The following RAB4A variants were observed in gnomAD, a reference collection of about 807,000 sequenced individuals.
RAB4A encodes the protein RAB4A, member RAS oncogene family, also known as ras-related protein Rab-4A.
Under a neutral mutation model 34.5 loss-of-function variants are expected in RAB4A, and 20 were observed. That is an observed-to-expected ratio of 0.58 (90% confidence interval 0.41 to 0.84). The LOEUF (loss-of-function observed/expected upper bound fraction) is 0.84. RAB4A is among the 40% of genes least tolerant of loss of function. The probability of loss-of-function intolerance (pLI) is 0.00; values close to 1 mark genes in which losing one functional copy is unlikely to be tolerated. For synonymous variants in RAB4A, 102 were observed against 100.0 expected (o/e 1.02, Z -0.12); for missense variants, 228 against 274.5 (o/e 0.83, Z 1.20).
Position 229,271,315 on chromosome 1 carries a change from G to A in RAB4A, c.-25G>A. ...CGCGGGCGAGTGCAGCCGGTGACCCGGCGAGAGGCGGCGCCGCTCCCAAGA... is the reference window on the plus strand; with the variant it reads ...CGCGGGCGAGTGCAGCCGGTGACCCAGCGAGAGGCGGCGCCGCTCCCAAGA... On this transcript the variant is annotated 5_prime_UTR_variant, in exon 1 of 8. Coordinates refer to ENST00000366690, the MANE Select transcript of RAB4A (RefSeq NM_004578.4). The A allele has an allele frequency of 1.5e-6, 2 of 1,326,308 alleles. No individual in the cohort carries two copies. Among genetic ancestry groups the A allele is most frequent in the Non-Finnish European group, 1.9e-6 (2 of 1,036,164 alleles). The allele number at this position is 1,326,308 out of a possible 1,614,324, so 82.2% of individuals were successfully genotyped here. A position where few individuals can be genotyped will look rare whatever the true frequency, so the allele number is the denominator to read the frequency against.
intron 1 of RAB4A, among the ~76,000 whole-genome samples, chr1:229,279,356 T>C (rs772747449): frequency 2.6e-5 from 4 of 152,258 alleles, no homozygotes; most frequent in African/African-American, 4.8e-5. Context: ...TCATTGACTA[T>C]TGACTGCTGC....
intron 6 of RAB4A, among the ~76,000 whole-genome samples, chr1:229,300,165 A>C: frequency 6.6e-6 from 1 of 152,308 alleles, no homozygotes; most frequent in South Asian, 2.1e-4. Flanking sequence ...ATTGGGCTGA[A>C]GTATGGTCGA....
intron 1 of RAB4A, among the ~76,000 whole-genome samples, chr1:229,275,868 C>T (rs1656630817): frequency 2.0e-5 from 3 of 151,066 alleles, no homozygotes; most frequent in Admixed American, 6.6e-5. Flanking sequence ...CTCATGATCC[C>T]GCCCTTCTCA....
At chr1:229,285,657 G>T (rs999799599) in intron 1 of RAB4A, among the ~76,000 whole-genome samples, 7 of 152,128 alleles carry the variant, frequency 4.6e-5, no homozygotes, top group Non-Finnish European at 1.0e-4. Flanking sequence ...GTAAGGAGTG[G>T]ACTTAGCAGC....
At position 229,286,574 on chromosome 1, in the gene RAB4A, T is replaced by G; in HGVS notation, c.112+8T>G. The G allele has an allele frequency of 1.3e-6, 2 of 1,525,498 alleles. No homozygotes were observed. Among genetic ancestry groups the G allele is most frequent in the Non-Finnish European group, 1.8e-6 (2 of 1,119,626 alleles). The allele number at this position is 1,525,498 out of a possible 1,614,324, so 94.5% of individuals were successfully genotyped here. On this transcript the variant is annotated splice_region_variant and intron_variant, in intron 2 of 7. Transcript: ENST00000366690. The stretch of plus-strand genomic sequence containing the variant: ...AGTTTATTGAAAAAAAATGTAAGTG[T>G]CATGAAATTAGTCATTCTTCCGTGC...
At chr1:229,275,585 C>G (rs1656618196) in intron 1 of RAB4A, among the ~76,000 whole-genome samples, 1 of 150,728 alleles carries the variant, frequency 6.6e-6, no homozygotes, top group South Asian at 2.1e-4. Context: ...AAGAAGATAT[C>G]CTTGGTAAAG....
chr1:229,297,168 T>C (rs1301801580), intron 4 of RAB4A, among the ~76,000 whole-genome samples: 1 of 152,266 alleles, frequency 6.6e-6, no homozygotes, highest in Non-Finnish European at 1.5e-5. Flanking sequence ...CAGAGTCTAG[T>C]GCCTTGCGCA....
At chr1:229,302,308 TA>T (rs1292627510) in intron 6 of RAB4A, among the ~76,000 whole-genome samples, 91 of 21,472 alleles carry the variant, frequency 4.2e-3, no homozygotes, top group Non-Finnish European at 5.7e-3. Flanking sequence ...TATATATATA[TA>T]TTTTTTTTTT....
At position 229,303,835 on chromosome 1, in the gene RAB4A, T is replaced by G. The variant is rs1194208911; in HGVS notation, c.*42T>G. 3.3e-5 allele frequency: 5 copies of G among 152,240 alleles called. No individual in the cohort carries two copies. The highest frequency in any genetic ancestry group is 5.9e-5 in the Non-Finnish European group (4 of 68,040). 9.4% of individuals were successfully genotyped at this position (152,240 alleles called of 1,614,324 possible). A position where few individuals can be genotyped will look rare whatever the true frequency, so the allele number is the denominator to read the frequency against. On this transcript the variant is annotated 3_prime_UTR_variant, in exon 8 of 8. Transcript: ENST00000366690. ...TCATACAGTGGCATTTGGGACACAA[T>G]CGTTGGAACCTGAAGAATCTGAAGT...
At chr1:229,283,089 C>T (rs1463963728) in intron 1 of RAB4A, among the ~76,000 whole-genome samples, 1 of 152,176 alleles carries the variant, frequency 6.6e-6, no homozygotes, top group East Asian at 1.9e-4. Context: ...CTCTCTTGGA[C>T]ACTACCTTAT....
intron 1 of RAB4A, among the ~76,000 whole-genome samples, chr1:229,278,896 A>G (rs894182558): frequency 6.6e-6 from 1 of 152,232 alleles, no homozygotes; most frequent in Non-Finnish European, 1.5e-5. Flanking sequence ...GGCAGCCTTT[A>G]TCTTACTTAG....
At chr1:229,296,644 A>C (rs1383860779) in intron 4 of RAB4A, among the ~76,000 whole-genome samples, 2 of 152,172 alleles carry the variant, frequency 1.3e-5, no homozygotes, top group African/African-American at 4.8e-5. Flanking sequence ...GAAATGTGTC[A>C]TCTAAATGGC....
chr1:229,300,550 A>T (rs1330797335), intron 6 of RAB4A, among the ~76,000 whole-genome samples: 1 of 152,174 alleles, frequency 6.6e-6, no homozygotes, highest in Non-Finnish European at 1.5e-5. Flanking sequence ...GTGAGGAGGA[A>T]GGGCCAGCAG....
chr1:229,288,805 G>C lies in RAB4A; in HGVS notation c.189G>C (p.Lys63Asn), dbSNP rs1461929785. ...KIINVGGKYVKLQIWDTAGQE... is the reference protein window; with the variant it reads ...KIINVGGKYVNLQIWDTAGQE... ...TAAATGTTGGTGGTAAATATGTAAA[G>C]TTACAAATATGGGATACAGCAGGAC... The change falls in exon 3 of 8, where the codon AAG becomes AAC. Residue 63 changes from lysine to asparagine, a missense_variant. By Grantham distance (94) the Lys-to-Asn change is moderately conservative. Transcript: ENST00000366690. The C allele has an allele frequency of 6.3e-7, 1 of 1,590,064 alleles. No individual in the cohort carries two copies. Among genetic ancestry groups the C allele is most frequent in the African/African-American group, 1.3e-5 (1 of 74,476 alleles).
intron 3 of RAB4A, among the ~76,000 whole-genome samples, chr1:229,295,037 G>A (rs749739754): frequency 3.4e-5 from 5 of 147,442 alleles, no homozygotes; most frequent in Non-Finnish European, 4.4e-5. Flanking sequence ...ATCGCTCACC[G>A]TCACCTCAAA....
At chr1:229,303,076 AAG>A in intron 7 of RAB4A, 87 bp downstream of exon 7, 1 of 1,011,050 alleles carries the variant, frequency 9.9e-7, no homozygotes, top group South Asian at 1.4e-5. Flanking sequence ...CAGTATGAAA[AAG>A]AGGGGATCCC....
At chr1:229,275,737 C>T (rs2102832959) in intron 1 of RAB4A, among the ~76,000 whole-genome samples, 1 of 151,588 alleles carries the variant, frequency 6.6e-6, no homozygotes, top group East Asian at 2.0e-4. Flanking sequence ...TCTCCTGCCT[C>T]AGCCTCCCAA....
intron 1 of RAB4A, among the ~76,000 whole-genome samples, chr1:229,277,016 A>C (rs1327184401): frequency 2.7e-5 from 4 of 146,486 alleles, no homozygotes; most frequent in African/African-American, 7.6e-5. Flanking sequence ...TAATATATAT[A>C]GTTTATATAT....
At chr1:229,297,365 G>A (rs970633199) in intron 4 of RAB4A, 117 bp from the exon 5 acceptor site, 16 of 991,132 alleles carry the variant, frequency 1.6e-5, no homozygotes, top group Non-Finnish European at 2.2e-5. Context: ...TTATCTTAAA[G>A]GTGTTGGTGC....
Sources: gnomAD v4.1 joint callset for allele counts (sites outside exome capture counted in the v4.1 genomes callset) on GRCh38, gnomAD v4.1.1 for gene constraint, MANE v1.5 for transcripts, NCBI Gene and HGNC (gene_info 2026-07-23, HGNC 2026-07-21) for gene names.